The following DNAH7 variants were observed in gnomAD, a reference collection of about 807,000 sequenced individuals.
DNAH7 encodes dynein axonemal heavy chain 7, also known as axonemal beta dynein heavy chain 7.
DNAH7 carries 397 observed loss-of-function variants against 444.6 expected under a neutral mutation model. The ratio of observed to expected loss-of-function variants is 0.89; its 90% CI spans 0.82 to 0.97. DNAH7 has a LOEUF of 0.97. Among genes scored for constraint, DNAH7 ranks in the 50% least tolerant of loss-of-function variants. The pLI, the probability that DNAH7 is intolerant of heterozygous loss-of-function variation, is 0.00. For missense variants in DNAH7, 4,902 were observed against 4,800.8 expected (o/e 1.02, Z -0.62); for synonymous variants, 1,636 against 1,624.4 (o/e 1.01, Z -0.17).
At chr2:196,004,944 C>A (rs1293211133) in intron 10 of DNAH7, among the ~76,000 whole-genome samples, 6 of 109,272 alleles carry the variant, frequency 5.5e-5, no homozygotes, top group African/African-American at 2.2e-4. Context: ...GCCTGGGCAA[C>A]AGCATGAGGC....
intron 35 of DNAH7, 28 bp from the exon 36 acceptor site, chr2:195,882,020 A>C (rs760281020): frequency 3.2e-6 from 5 of 1,579,156 alleles, no homozygotes; most frequent in Non-Finnish European, 4.3e-6. Context: ...CCAAGTAATG[A>C]ATGCTATAAA....
chr2:195,737,944 G>T lies in DNAH7; in HGVS notation c.12052C>A (p.Leu4018Met). 6.2e-7 allele frequency: 1 copy of T among 1,614,068 alleles called. No individual in the cohort carries two copies. Among genetic ancestry groups the T allele is most frequent in the South Asian group, 1.1e-5 (1 of 91,078 alleles). The change falls in exon 65 of 65, where the codon CTG (leucine) becomes ATG (methionine). Residue 4018 changes from leucine to methionine, a missense_variant. Coordinates refer to ENST00000312428, the MANE Select transcript of DNAH7 (RefSeq NM_018897.3). ...GGTTATGAATTAAGTTGACATAACAGTGCTACACCTCGTCCAATCCAGTGT... is the reference window on the plus strand; with the variant it reads ...GGTTATGAATTAAGTTGACATAACATTGCTACACCTCGTCCAATCCAGTGT... ...KEHWIGRGVA[L>M]LCQLNS
intron 61 of DNAH7, among the ~76,000 whole-genome samples, chr2:195,763,182 T>G (rs1694427612): frequency 6.6e-6 from 1 of 152,112 alleles, no homozygotes; most frequent in Non-Finnish European, 1.5e-5. Flanking sequence ...AAATGCAACA[T>G]GCAAAATCCT....
intron 55 of DNAH7, 57 bp downstream of exon 55, chr2:195,799,239 T>C: frequency 7.4e-7 from 1 of 1,344,502 alleles, no homozygotes; most frequent in Non-Finnish European, 9.8e-7. Flanking sequence ...ATTTCAATTA[T>C]AAGCAAGTAT....
At chr2:196,036,382 G>A (rs1300243159) in intron 5 of DNAH7, among the ~76,000 whole-genome samples, 2 of 152,072 alleles carry the variant, frequency 1.3e-5, no homozygotes, top group African/African-American at 4.8e-5. Flanking sequence ...CACCCAGAGG[G>A]CTACAATAGC....
At chr2:195,923,136 T>A (rs897282824) in intron 23 of DNAH7, among the ~76,000 whole-genome samples, 11 of 152,136 alleles carry the variant, frequency 7.2e-5, no homozygotes, top group Non-Finnish European at 1.6e-4. Flanking sequence ...AGTGCCAGGA[T>A]TACAGGCGTG....
At chr2:195,971,858 T>C (rs1163163623) in intron 16 of DNAH7, among the ~76,000 whole-genome samples, 3 of 152,110 alleles carry the variant, frequency 2.0e-5, no homozygotes, top group Non-Finnish European at 2.9e-5. Flanking sequence ...TTATGAGGTA[T>C]GAAAGCACAT....
intron 8 of DNAH7, 33 bp from the exon 9 acceptor site, chr2:196,019,328 CAAAA>C: frequency 1.3e-5 from 18 of 1,427,510 alleles, no homozygotes; most frequent in Non-Finnish European, 1.7e-5. Flanking sequence ...GTTACAGTCT[CAAAA>C]AAAGTATTTT....
In DNAH7 at chr2:195,864,572, T is replaced by C. The variant is rs143061610; in HGVS notation, c.7083A>G (p.Ser2361=). The part of the protein sequence containing the change: ...TRLAAHMADY[S]VFQVEISKGY... ...CCTTAGAGATTTCAACTTGGAAAAC[T>C]GAATAATCAGCCATGTGGGCAGCTA... The change falls in exon 41 of 65, where the codon TCA becomes TCG. Residue 2361 remains serine, a synonymous_variant. Coordinates refer to ENST00000312428, the MANE Select transcript of DNAH7 (RefSeq NM_018897.3). The C allele has an allele frequency of 4.1e-4, 658 of 1,614,166 alleles. No homozygotes were observed. Among genetic ancestry groups the C allele is most frequent in the Non-Finnish European group, 1.2e-4 (144 of 1,180,034 alleles).
At chr2:195,815,562 A>G (rs1697178936) in intron 51 of DNAH7, among the ~76,000 whole-genome samples, 1 of 152,244 alleles carries the variant, frequency 6.6e-6, no homozygotes, top group Admixed American at 6.5e-5. Context: ...GTGAGTGATA[A>G]AAATTAAATT....
intron 57 of DNAH7, among the ~76,000 whole-genome samples, chr2:195,787,751 A>G (rs1695692716): frequency 6.6e-6 from 1 of 152,076 alleles, no homozygotes; most frequent in African/African-American, 2.4e-5. Context: ...GGCCACCTGG[A>G]GAGCTGACAC....
chr2:195,769,098 T>C (rs141097424), intron 61 of DNAH7, among the ~76,000 whole-genome samples: 27 of 152,282 alleles, frequency 1.8e-4, no homozygotes, highest in African/African-American at 6.3e-4. Flanking sequence ...ATTTTCTTCC[T>C]CAAATTAGTG....
In DNAH7 at chr2:195,960,517, G is replaced by C; in HGVS notation, c.2634C>G (p.Asp878Glu). The C allele has an allele frequency of 6.2e-7, 1 of 1,614,164 alleles. No individual in the cohort carries two copies. Among genetic ancestry groups the C allele is most frequent in the Non-Finnish European group, 8.5e-7 (1 of 1,180,030 alleles). ...SDDSTVSSFL[D>E]MNLEPYIDRF... ...GGTCTATATATGGTTCCAGATTCAT[G>C]TCTAAAAAAGAGGAGACTGTGGAGT... The change falls in exon 18 of 65, where the codon GAC (aspartate) becomes GAG (glutamate). Residue 878 changes from aspartate (D) to glutamate (E), a missense_variant. Transcript: ENST00000312428.
intron 6 of DNAH7, 115 bp downstream of exon 6, chr2:196,027,845 C>T (rs886992111): frequency 4.7e-5 from 40 of 858,702 alleles, no homozygotes; most frequent in Non-Finnish European, 7.0e-5. Context: ...TGTATTTATT[C>T]CTATGTCCAC....
In DNAH7 at chr2:195,937,159, C is replaced by T. The variant is rs746677052; in HGVS notation, c.3079-367G>A. ...ATTCTTTGAGGAAAAGAATTCTAAA[C>T]AATAAGTCATCATTATAATTATTAT... On this transcript the variant is annotated intron_variant, in intron 19 of 64. Transcript: ENST00000312428. Among the ~76,000 whole-genome samples, 42 of 151,970 alleles carry T rather than the reference C, an allele frequency of 2.8e-4. 1 individual carries two copies. The highest frequency in any genetic ancestry group is 5.3e-4 in the Non-Finnish European group (36 of 67,964).
At chr2:196,042,333 C>T (rs1696821411) in intron 5 of DNAH7, among the ~76,000 whole-genome samples, 1 of 152,000 alleles carries the variant, frequency 6.6e-6, no homozygotes, top group African/African-American at 2.4e-5. Flanking sequence ...ATCCCAATTA[C>T]CCCGATTTGA....
chr2:195,988,330 T>C, intron 12 of DNAH7, 101 bp from the exon 13 acceptor site: 1 of 1,079,740 alleles, frequency 9.3e-7, no homozygotes, highest in Non-Finnish European at 1.3e-6. Context: ...CTTGTCTTTT[T>C]ATTCACAAGG....
chr2:195,950,460 T>C (rs923493342), intron 19 of DNAH7, among the ~76,000 whole-genome samples: 1 of 152,060 alleles, frequency 6.6e-6, no homozygotes, highest in South Asian at 2.1e-4. Flanking sequence ...TGATATCCCC[T>C]TTATCATTTT....
Position 196,026,809 on chromosome 2 carries a change from T to A in DNAH7, c.618A>T (p.Leu206Phe), listed in dbSNP as rs747485353. 184 of 1,612,480 alleles carry A rather than the reference T, an allele frequency of 1.1e-4. No individual in the cohort carries two copies. The South Asian group carries it at 2.0e-3, about 17-fold the overall frequency. The change falls in exon 7 of 65, where the codon TTA becomes TTT. Residue 206 changes from leucine (L) to phenylalanine (F), a missense_variant. By Grantham distance (22) the Leu-to-Phe change is conservative. Coordinates refer to ENST00000312428, the MANE Select transcript of DNAH7 (RefSeq NM_018897.3). ...LKVFTDSIVT[L>F]SDEMREDYLL... Reference sequence around the variant, plus strand: ...GATAATCCTCTCTCATTTCATCAGATAATGTAACTATGCTGTCAGTGAAGA... The same window carrying A: ...GATAATCCTCTCTCATTTCATCAGAAAATGTAACTATGCTGTCAGTGAAGA...
Sources: allele counts gnomAD v4.1 joint callset (sites outside exome capture counted in the v4.1 genomes callset), GRCh38; gene constraint gnomAD v4.1.1; transcripts MANE v1.5; gene names NCBI Gene and HGNC (gene_info 2026-07-23, HGNC 2026-07-21).